Variants in SLC35A5 observed in about 807,000 individuals in gnomAD.
SLC35A5 encodes solute carrier family 35 member A5.
In SLC35A5, 28 loss-of-function variants were observed where a neutral mutation model predicts 36.3. The ratio of observed to expected loss-of-function variants is 0.77; its 90% CI spans 0.57 to 1.06. SLC35A5 has a LOEUF of 1.06. SLC35A5 is among the 50% of genes least tolerant of loss of function. SLC35A5 has a pLI of 0.00. For missense variants in SLC35A5, 521 were observed against 499.3 expected (o/e 1.04, Z -0.41); for synonymous variants, 180 against 173.7 (o/e 1.04, Z -0.29).
intron 5 of SLC35A5, among the ~76,000 whole-genome samples, chr3:112,578,148 G>GC (rs1439444511): frequency 2.6e-5 from 4 of 151,912 alleles, no homozygotes; most frequent in Non-Finnish European, 2.9e-5. Context: ...TTGAACTAAA[G>GC]CCCCCCCTTT....
In SLC35A5 at chr3:112,573,167, G is replaced by A. The variant is rs1461644352; in HGVS notation, c.361-722G>A. Among the ~76,000 whole-genome samples the A allele has an allele frequency of 2.0e-5, 3 of 152,102 alleles. No homozygotes were observed. In the East Asian group the frequency reaches 5.8e-4, roughly 29 times the overall value. ...TAAAGTGATAGCAAGCAGGAAGGCA[G>A]GGTGAAGTACATCCTAAGATTTGCA... On this transcript the variant is annotated intron_variant, in intron 4 of 6. Transcript: ENST00000492406.
intron 3 of SLC35A5, among the ~76,000 whole-genome samples, chr3:112,570,104 G>A (rs948700497): frequency 4.6e-5 from 7 of 152,116 alleles, no homozygotes; most frequent in Admixed American, 1.3e-4. Flanking sequence ...TAACTGACAG[G>A]ATTACTAAAA....
intron 4 of SLC35A5, 132 bp downstream of exon 4, chr3:112,570,802 C>G: frequency 1.2e-6 from 1 of 841,496 alleles, no homozygotes; most frequent in South Asian, 2.1e-5. Flanking sequence ...TGAGATTTCC[C>G]CAGAATTATC....
At chr3:112,572,043 C>T (rs111978849) in intron 4 of SLC35A5, among the ~76,000 whole-genome samples, 7 of 144,586 alleles carry the variant, frequency 4.8e-5, no homozygotes, top group South Asian at 2.2e-4. Flanking sequence ...CCCGGGTTCA[C>T]GCCATTCTCC....
intron 4 of SLC35A5, among the ~76,000 whole-genome samples, chr3:112,571,679 G>A (rs1486212499): frequency 1.3e-5 from 2 of 152,186 alleles, no homozygotes; most frequent in Non-Finnish European, 2.9e-5. Context: ...GCAAAGTCAT[G>A]TCTTACATGG....
chr3:112,570,445 C>T, intron 3 of SLC35A5, 95 bp from the exon 4 acceptor site: 3 of 1,368,204 alleles, frequency 2.2e-6, no homozygotes, highest in South Asian at 1.5e-5. Context: ...ATAAAGCTCC[C>T]TTTAAAGAAT....
At chr3:112,581,922 T>C (rs1434551081) in intron 6 of SLC35A5, among the ~76,000 whole-genome samples, 1 of 152,218 alleles carries the variant, frequency 6.6e-6, no homozygotes, top group African/African-American at 2.4e-5. Flanking sequence ...GGAAAATATT[T>C]TCTAGAAAAA....
chr3:112,566,468 CAG>C (rs1934200890), intron 2 of SLC35A5, among the ~76,000 whole-genome samples: 1 of 152,144 alleles, frequency 6.6e-6, no homozygotes, highest in Admixed American at 6.5e-5. Flanking sequence ...ACTTAAGGAA[CAG>C]AGAGAGGACT....
intron 5 of SLC35A5, among the ~76,000 whole-genome samples, chr3:112,576,975 A>G (rs1331351074): frequency 6.6e-6 from 1 of 152,256 alleles, no homozygotes; most frequent in East Asian, 1.9e-4. Context: ...CATTTAGAAT[A>G]TTAAATCTGT....
intron 4 of SLC35A5, among the ~76,000 whole-genome samples, chr3:112,571,614 C>T (rs1444686021): frequency 2.0e-5 from 3 of 152,138 alleles, no homozygotes; most frequent in Non-Finnish European, 4.4e-5. Context: ...TTAATGGACG[C>T]ACAGTTCCAC....
chr3:112,561,629 TCAGCACCCGGCTGG>T (rs2107400581), upstream of SLC35A5: 7 of 1,236,468 alleles, frequency 5.7e-6, no homozygotes, highest in Non-Finnish European at 5.7e-6. Flanking sequence ...CCGACTCGCA[TCAGCACCCGGCTGG>T]CAGCACCCGA....
chr3:112,579,297 A>C (rs948091861), intron 5 of SLC35A5, among the ~76,000 whole-genome samples: 3 of 152,092 alleles, frequency 2.0e-5, no homozygotes, highest in Non-Finnish European at 4.4e-5. Flanking sequence ...TTAGAGCGGA[A>C]ATGCCTAAGT....
chr3:112,561,448 C>G (rs569374853), upstream of SLC35A5: 9 of 1,612,922 alleles, frequency 5.6e-6, no homozygotes, highest in East Asian at 2.2e-5. Context: ...CAACCCTGGC[C>G]TGGCTTACCT....
chr3:112,573,934 C>G lies in SLC35A5; in HGVS notation c.406C>G (p.Leu136Val), dbSNP rs768287436. Residue 136 changes from leucine (L) to valine (V), a missense_variant, in exon 5 of 7, where the codon CTT becomes GTT. By Grantham distance (32) the Leu-to-Val change is conservative (BLOSUM62 1). Transcript: ENST00000492406. ...AAATTTTAGCATTATAACAACAGCT[C>G]TTCTATTCAGGATAGTGCTGAAGTA... ...FSNFSIITTA[L>V]LFRIVLKRRL... The G allele has an allele frequency of 1.2e-6, 2 of 1,613,454 alleles. No homozygotes were observed. Among genetic ancestry groups the G allele is most frequent in the Non-Finnish European group, 1.7e-6 (2 of 1,179,466 alleles).
At chr3:112,573,059 T>C (rs1934515658) in intron 4 of SLC35A5, among the ~76,000 whole-genome samples, 4 of 152,334 alleles carry the variant, frequency 2.6e-5, no homozygotes, top group South Asian at 4.1e-4. Flanking sequence ...GAGTTTTATC[T>C]TTAATTTAGC....
intron 6 of SLC35A5, among the ~76,000 whole-genome samples, chr3:112,582,293 C>T (rs558874092): frequency 6.6e-6 from 1 of 152,122 alleles, no homozygotes; most frequent in East Asian, 1.9e-4. Context: ...AGTGTATATC[C>T]AGAAGTCTTG....
upstream of SLC35A5, chr3:112,561,612 G>A (rs553534171): frequency 1.4e-6 from 2 of 1,381,068 alleles, no homozygotes; most frequent in Non-Finnish European, 1.0e-6. Flanking sequence ...AAATGTCCTC[G>A]CTGCCACCGA....
chr3:112,568,752 T>C (rs1934307391), intron 2 of SLC35A5, among the ~76,000 whole-genome samples: 1 of 152,236 alleles, frequency 6.6e-6, no homozygotes, highest in Non-Finnish European at 1.5e-5. Flanking sequence ...ACCTCAATTT[T>C]AGCAAGGCAA....
chr3:112,569,309 G>A (rs1314960763), intron 3 of SLC35A5, 40 bp downstream of exon 3: 2 of 1,499,828 alleles, frequency 1.3e-6, no homozygotes, highest in Admixed American at 3.6e-5. Context: ...TTAATCATAG[G>A]ACCAAAAAAT....
Sources: gnomAD v4.1 joint callset for allele counts (sites outside exome capture counted in the v4.1 genomes callset) on GRCh38, gnomAD v4.1.1 for gene constraint, MANE v1.5 for transcripts, NCBI Gene and HGNC (gene_info 2026-07-23, HGNC 2026-07-21) for gene names.